The following HS1BP3 variants were observed in gnomAD, a reference collection of about 807,000 sequenced individuals.
HS1BP3 encodes the protein HCLS1-binding protein 3.
HS1BP3 carries 32 observed loss-of-function variants against 33.5 expected under a neutral mutation model. The observed-to-expected ratio is 0.95, with a 90% confidence interval of 0.72 to 1.28. The LOEUF (loss-of-function observed/expected upper bound fraction) is 1.28, where lower values mean the gene tolerates loss of function less well. Ranked by LOEUF, HS1BP3 falls within the 50% of genes most tolerant of loss-of-function variation. HS1BP3 has a pLI of 0.00. For missense variants in HS1BP3, 486 were observed against 502.3 expected (o/e 0.97, Z 0.31); for synonymous variants, 187 against 209.2 (o/e 0.89, Z 0.92).
chr2:20,579,906 C>A (rs1312622905), intron 5 of HS1BP3, among the ~76,000 whole-genome samples: 2 of 152,262 alleles, frequency 1.3e-5, no homozygotes. Flanking sequence ...AGGCCTTGCA[C>A]CTACAAAGGT....
chr2:20,577,802 G>A (rs776153983), intron 5 of HS1BP3, among the ~76,000 whole-genome samples: 1 of 152,232 alleles, frequency 6.6e-6, no homozygotes, highest in South Asian at 2.1e-4. Context: ...TATTGTCTAA[G>A]CTACACTCCC....
At chr2:20,594,570 G>A (rs1328436186) in intron 3 of HS1BP3, among the ~76,000 whole-genome samples, 1 of 152,206 alleles carries the variant, frequency 6.6e-6, no homozygotes. Flanking sequence ...TGGTAGAAGA[G>A]GCTGTCCTCT....
downstream of HS1BP3, among the ~76,000 whole-genome samples, chr2:20,555,504 C>T (rs1692814967): frequency 6.6e-6 from 1 of 152,156 alleles, no homozygotes; most frequent in African/African-American, 2.4e-5. Flanking sequence ...TATAGGGGTA[C>T]CCACATGGGG....
chr2:20,603,840 C>T (rs1164816693), intron 2 of HS1BP3, among the ~76,000 whole-genome samples: 1 of 152,242 alleles, frequency 6.6e-6, no homozygotes, highest in East Asian at 1.9e-4. Context: ...ACATGGCCCT[C>T]CAGAGATGGG....
At chr2:20,554,984 C>T in the HS1BP3 span, among the ~76,000 whole-genome samples, 2 of 152,212 alleles carry the variant, frequency 1.3e-5, no homozygotes, top group South Asian at 4.1e-4. Context: ...TGCCCTTCTG[C>T]CATGCGGGAA....
chr2:20,557,031 TG>T (rs1403882529), downstream of HS1BP3, among the ~76,000 whole-genome samples: 5 of 150,376 alleles, frequency 3.3e-5, no homozygotes, highest in African/African-American at 1.2e-4. Context: ...TTTCTAATTT[TG>T]CATGTAATAT....
intron 2 of HS1BP3, among the ~76,000 whole-genome samples, chr2:20,642,351 C>T (rs1420540312): frequency 3.1e-5 from 2 of 64,390 alleles, no homozygotes; most frequent in Non-Finnish European, 6.4e-5. Flanking sequence ...GTCAAGATAC[C>T]AGGAGGCAGC....
At chr2:20,566,610 T>C (rs1368193926) in intron 5 of HS1BP3, among the ~76,000 whole-genome samples, 1 of 150,136 alleles carries the variant, frequency 6.7e-6, no homozygotes, top group Non-Finnish European at 1.5e-5. Flanking sequence ...GTTTTTTTTT[T>C]TGTTTTTTTT....
intron 1 of HS1BP3, among the ~76,000 whole-genome samples, chr2:20,645,789 G>T (rs776593327): frequency 1.3e-5 from 2 of 152,242 alleles, no homozygotes; most frequent in Non-Finnish European, 2.9e-5. Context: ...TTGTTGAAAG[G>T]GATCGACACA....
chr2:20,584,763 G>C (rs938261643), intron 5 of HS1BP3, among the ~76,000 whole-genome samples: 2 of 152,118 alleles, frequency 1.3e-5, no homozygotes, highest in African/African-American at 4.8e-5. Context: ...TATGCTCATG[G>C]GGCTGGAGGG....
At chr2:20,600,918 C>T (rs997537977) in intron 2 of HS1BP3, among the ~76,000 whole-genome samples, 1 of 152,040 alleles carries the variant, frequency 6.6e-6, no homozygotes, top group Admixed American at 6.6e-5. Flanking sequence ...CATTCTTTCC[C>T]TCTGGAGTCA....
At chr2:20,649,755 T>C (rs1227194958) in intron 1 of HS1BP3, among the ~76,000 whole-genome samples, 1 of 152,148 alleles carries the variant, frequency 6.6e-6, no homozygotes, top group African/African-American at 2.4e-5. Flanking sequence ...GGCAAGATCC[T>C]TGGGTGTGCT....
chr2:20,594,414 T>C (rs1572317854), intron 3 of HS1BP3, among the ~76,000 whole-genome samples: 1 of 152,208 alleles, frequency 6.6e-6, no homozygotes, highest in Non-Finnish European at 1.5e-5. Context: ...CTTTGGTGCA[T>C]TGAGGCAGCT....
At chr2:20,631,516 CAAAAAAAAAAAA>C (rs529653146) in intron 4 of HS1BP3, among the ~76,000 whole-genome samples, 1 of 63,184 alleles carries the variant, frequency 1.6e-5, no homozygotes, top group African/African-American at 6.2e-5. Context: ...GAACCTGTCT[CAAAAAAAAAAAA>C]AAAAAAAAAA....
chr2:20,583,155 C>T (rs12621527), intron 5 of HS1BP3, among the ~76,000 whole-genome samples: 115,025 of 152,178 alleles, frequency 0.76, 44,424 homozygotes, highest in East Asian at 0.85. Flanking sequence ...TTCTGAACAA[C>T]CCCTCTGAGC....
rs76149204 is a variant in HS1BP3 at position 20,569,562 on chromosome 2, A to G, written c.303-9047T>C. Among the ~76,000 whole-genome samples the G allele has an allele frequency of 6.0e-3, 908 of 152,348 alleles. 10 individuals are homozygous for G. Among genetic ancestry groups the G allele is most frequent in the African/African-American group, 0.02 (837 of 41,574 alleles). On this transcript the variant is annotated intron_variant, in intron 5 of 5. Transcript: ENST00000446825. ...AAACATACTCAGGCTAAAAAAATTC[A>G]TTGATCTGAAATTCAAATGTAACCA...
At chr2:20,581,475 A>G (rs978233468) in intron 5 of HS1BP3, among the ~76,000 whole-genome samples, 2 of 151,838 alleles carry the variant, frequency 1.3e-5, no homozygotes, top group Non-Finnish European at 2.9e-5. Context: ...TCAGCCTCCC[A>G]AGTAGCTGGG....
intron 4 of HS1BP3, 129 bp from the exon 5 acceptor site, chr2:20,625,021 C>A (rs1031738953): frequency 2.9e-5 from 32 of 1,110,756 alleles, no homozygotes; most frequent in Non-Finnish European, 4.2e-5. Context: ...AAGACCAGGC[C>A]AGAGGGACCA....
Position 20,611,557 on chromosome 2 carries a change from G to GA in HS1BP3, c.178+12338dup, listed in dbSNP as rs1330197291. ...GTTGCTCTGAGTGTGGGGTGAGCTG[G>GA]AATGTACTCCCCGCTGCCGCAGTCC... is the stretch of plus-strand genomic sequence containing the variant. On this transcript the variant is annotated intron_variant, in intron 2 of 3. Coordinates refer to the HS1BP3 transcript ENST00000415264. The surrounding 1 kb of genome is among the most constrained non-coding windows in gnomAD (Gnocchi z 4.9). Among the ~76,000 whole-genome samples the GA allele has an allele frequency of 6.6e-6, 1 of 152,160 alleles. No homozygotes were observed. The highest frequency in any genetic ancestry group is 1.5e-5 in the Non-Finnish European group (1 of 68,016).
Sources: allele counts gnomAD v4.1 joint callset (sites outside exome capture counted in the v4.1 genomes callset), GRCh38; gene constraint gnomAD v4.1.1; non-coding constraint Gnocchi (gnomAD v3.1); transcripts MANE v1.5; gene names NCBI Gene and HGNC (gene_info 2026-07-23, HGNC 2026-07-21).